IL1RAPL2: variants seen among roughly 807,000 people sequenced by gnomAD.
The protein encoded by IL1RAPL2 is X-linked interleukin-1 receptor accessory protein-like 2.
IL1RAPL2 carries 3 observed loss-of-function variants against 44.1 expected under a neutral mutation model. That is an observed-to-expected ratio of 0.07 (90% CI 0.03 to 0.18). The LOEUF is 0.18. IL1RAPL2 is among the 10% of genes least tolerant of loss of function. IL1RAPL2 has a pLI of 1.00. For synonymous variants in IL1RAPL2, 181 were observed against 178.8 expected, an observed-to-expected ratio of 1.01 and a Z score of -0.10; for missense variants, 391 against 496.4, an observed-to-expected ratio of 0.79 and a Z score of 2.02.
chrX:105,313,337 T>C (rs1370779454), intron 5 of IL1RAPL2, among the ~76,000 whole-genome samples: 1 of 112,254 alleles, frequency 8.9e-6, no homozygotes, highest in African/African-American at 3.2e-5. Context: ...GTAGGTATTC[T>C]CTGTCAATAA....
chrX:105,293,193 T>C (rs953246842), intron 5 of IL1RAPL2, among the ~76,000 whole-genome samples: 1 of 109,390 alleles, frequency 9.1e-6, no homozygotes, highest in Non-Finnish European at 1.9e-5. Context: ...TTTTAAAAAG[T>C]GTACATTTGG....
intron 2 of IL1RAPL2, among the ~76,000 whole-genome samples, chrX:104,817,131 C>T (rs1296325356): frequency 8.9e-6 from 1 of 112,503 alleles, no homozygotes; most frequent in Non-Finnish European, 1.9e-5. Flanking sequence ...TGGGGAAACC[C>T]AGCAAGTCCT....
At chrX:105,449,447 G>GCC (rs2036001632) in intron 5 of IL1RAPL2, among the ~76,000 whole-genome samples, 1 of 111,147 alleles carries the variant, frequency 9.0e-6, no homozygotes, top group African/African-American at 3.3e-5. Context: ...AGCCGGGCAT[G>GCC]GTGGCGGGCT....
chrX:104,928,523 A>C (rs1396193763), intron 2 of IL1RAPL2, among the ~76,000 whole-genome samples: 3 of 111,336 alleles, frequency 2.7e-5, no homozygotes, highest in East Asian at 5.7e-4. Context: ...GCTGTGCCGC[A>C]CTTACGGAAA....
chrX:105,167,790 GTTA>G (rs1488531529), intron 2 of IL1RAPL2, among the ~76,000 whole-genome samples: 3 of 110,537 alleles, frequency 2.7e-5, no homozygotes, highest in African/African-American at 6.6e-5. Context: ...TATTATAGTT[GTTA>G]TTATTATCAG....
intron 6 of IL1RAPL2, among the ~76,000 whole-genome samples, chrX:105,595,540 T>A (rs1418251690): frequency 9.0e-6 from 1 of 111,581 alleles, no homozygotes; most frequent in Non-Finnish European, 1.9e-5. Flanking sequence ...ATAAAATATT[T>A]TATTGAGGAT....
At chrX:104,917,512 T>C (rs573637700) in intron 2 of IL1RAPL2, among the ~76,000 whole-genome samples, 130 of 111,690 alleles carry the variant, frequency 1.2e-3, no homozygotes, top group South Asian at 7.5e-3. Flanking sequence ...AGCTCCCAAA[T>C]TGATTGTGGG....
At chrX:105,271,302 A>G (rs1486177973) in intron 5 of IL1RAPL2, among the ~76,000 whole-genome samples, 1 of 112,295 alleles carries the variant, frequency 8.9e-6, no homozygotes, top group Non-Finnish European at 1.9e-5. Flanking sequence ...CTGCAGATGC[A>G]TAGGGAAGGG....
intron 2 of IL1RAPL2, among the ~76,000 whole-genome samples, chrX:105,150,683 A>G (rs2147588891): frequency 8.9e-6 from 1 of 112,123 alleles, no homozygotes; most frequent in South Asian, 3.7e-4. Flanking sequence ...GTTTGTGTAT[A>G]AACGGCTCAG....
intron 2 of IL1RAPL2, among the ~76,000 whole-genome samples, chrX:104,665,236 T>C (rs1930466420): frequency 9.0e-6 from 1 of 111,424 alleles, no homozygotes; most frequent in Non-Finnish European, 1.9e-5. Context: ...CTATCCCTTC[T>C]ACCTGGTCTC....
At chrX:105,640,779 TATAG>T (rs1569460988) in intron 6 of IL1RAPL2, among the ~76,000 whole-genome samples, 1 of 97,457 alleles carries the variant, frequency 1.0e-5, no homozygotes, top group African/African-American at 3.8e-5. Flanking sequence ...TAGATATAGA[TATAG>T]ATATAGATAT....
intron 2 of IL1RAPL2, among the ~76,000 whole-genome samples, chrX:104,941,577 T>G (rs954627626): frequency 8.9e-6 from 1 of 111,779 alleles, no homozygotes; most frequent in African/African-American, 3.3e-5. Context: ...TTGTTTAAGT[T>G]CTTTGTAGAT....
intron 2 of IL1RAPL2, among the ~76,000 whole-genome samples, chrX:104,891,362 C>G (rs113574337): frequency 2.3e-4 from 26 of 111,771 alleles, no homozygotes; most frequent in East Asian, 5.6e-4. Context: ...TGATGGGGAT[C>G]GCATTGAATC....
At chrX:105,254,385 C>G (rs1247320847) in intron 4 of IL1RAPL2, among the ~76,000 whole-genome samples, 5 of 112,009 alleles carry the variant, frequency 4.5e-5, no homozygotes, top group Non-Finnish European at 1.9e-5. Flanking sequence ...CCTTTGCCCA[C>G]TTTTTAATGG....
intron 6 of IL1RAPL2, 127 bp downstream of exon 6, chrX:105,484,514 T>C: frequency 2.0e-6 from 1 of 506,602 alleles, no homozygotes; most frequent in East Asian, 3.5e-5. Flanking sequence ...GTTCTGCTCA[T>C]TTATAACCCT....
intron 2 of IL1RAPL2, among the ~76,000 whole-genome samples, chrX:105,042,420 T>C (rs2031760813): frequency 9.1e-6 from 1 of 109,465 alleles, no homozygotes; most frequent in Non-Finnish European, 1.9e-5. Context: ...GGGCGAAGGA[T>C]ATGAACAGAC....
intron 6 of IL1RAPL2, among the ~76,000 whole-genome samples, chrX:105,710,982 G>T (rs747409011): frequency 1.9e-5 from 2 of 106,020 alleles, no homozygotes; most frequent in Admixed American, 2.1e-4. Flanking sequence ...ATATGTATGT[G>T]TATATATACA....
intron 2 of IL1RAPL2, among the ~76,000 whole-genome samples, chrX:104,985,029 C>G (rs1423829057): frequency 9.0e-6 from 1 of 111,653 alleles, no homozygotes; most frequent in Non-Finnish European, 1.9e-5. Flanking sequence ...GACCTTCCAG[C>G]TTCAAAATCT....
chrX:105,293,797 G>A (rs2034634202), intron 5 of IL1RAPL2, among the ~76,000 whole-genome samples: 1 of 111,344 alleles, frequency 9.0e-6, no homozygotes, highest in African/African-American at 3.3e-5. Flanking sequence ...ATGACCTTGA[G>A]CTAAGTCCCT....
Sources: allele counts gnomAD v4.1 joint callset (sites outside exome capture counted in the v4.1 genomes callset), GRCh38; gene constraint gnomAD v4.1.1; transcripts MANE v1.5; gene names NCBI Gene and HGNC (gene_info 2026-07-23, HGNC 2026-07-21).